The following SDCCAG8 variants were observed in gnomAD, a reference collection of about 807,000 sequenced individuals.
SDCCAG8 encodes SHH signaling and ciliogenesis regulator SDCCAG8, also known as serologically defined colon cancer antigen 8.
In SDCCAG8, 74 loss-of-function variants were observed where a neutral mutation model predicts 101.8. That is an observed-to-expected ratio of 0.73 (90% CI 0.60 to 0.88). The LOEUF (loss-of-function observed/expected upper bound fraction) is 0.88. Ranked by LOEUF, SDCCAG8 falls within the 40% of genes least tolerant of loss-of-function variation. The probability of loss-of-function intolerance (pLI) is 0.00; values close to 1 mark genes in which losing one functional copy is unlikely to be tolerated. For synonymous variants in SDCCAG8, 281 were observed against 292.9 expected (o/e 0.96, Z 0.41); for missense variants, 787 against 822.6 (o/e 0.96, Z 0.53).
chr1:243,488,429 G>GTAGATCTCGGTGGT, intron 16 of SDCCAG8: 1 of 162,274 alleles, frequency 6.2e-6, no homozygotes, highest in Non-Finnish European at 1.4e-5. Flanking sequence ...GGGTGACTGT[G>GTAGATCTCGGTGGT]CTGCTGGCTG....
At chr1:243,303,294 C>A (rs1490754928) in intron 6 of SDCCAG8, among the ~76,000 whole-genome samples, 1 of 152,174 alleles carries the variant, frequency 6.6e-6, no homozygotes, top group Non-Finnish European at 1.5e-5. Context: ...GACGTGGACC[C>A]TTCTATAATA....
chr1:243,357,175 C>T (rs1023285752), intron 12 of SDCCAG8, among the ~76,000 whole-genome samples: 9 of 152,036 alleles, frequency 5.9e-5, no homozygotes, highest in East Asian at 1.9e-4. Context: ...ATCTGGAGAT[C>T]GAGACCATCC....
chr1:243,386,220 T>G (rs7531548), intron 13 of SDCCAG8, among the ~76,000 whole-genome samples: 30,960 of 152,094 alleles, frequency 0.2, 5,067 homozygotes, highest in African/African-American at 0.46. Context: ...GAAAGGAGTC[T>G]TCTAAGGTTA....
chr1:243,414,787 A>G (rs1265805290), intron 13 of SDCCAG8, among the ~76,000 whole-genome samples: 1 of 152,106 alleles, frequency 6.6e-6, no homozygotes, highest in African/African-American at 2.4e-5. Context: ...AAGTCAGTTA[A>G]TTGAAGGAAA....
At position 243,378,841 on chromosome 1, in the gene SDCCAG8, G is replaced by A. The variant is rs753709808; in HGVS notation, c.1594G>A (p.Glu532Lys). Residue 532 changes from glutamate (E) to lysine (K), a missense_variant, in exon 13 of 18, where the codon GAG becomes AAG. Transcript: ENST00000366541. ...LRLTELLGES[E>K]HQLHLTRQEK... ...ACTAACAGAACTGCTGGGCGAATCTGAGCACCAACTGCACCTCACCAGGTA... is the reference window on the plus strand; with the variant it reads ...ACTAACAGAACTGCTGGGCGAATCTAAGCACCAACTGCACCTCACCAGGTA... 45 of 1,613,970 alleles carry A rather than the reference G, an allele frequency of 2.8e-5. No individual in the cohort carries two copies. The South Asian group carries it at 4.6e-4, about 17-fold the overall frequency.
chr1:243,353,380 A>G (rs1226097907), intron 12 of SDCCAG8, among the ~76,000 whole-genome samples: 1 of 150,318 alleles, frequency 6.7e-6, no homozygotes, highest in African/African-American at 2.5e-5. Flanking sequence ...AATCCCAGCT[A>G]CTCGGGAGAC....
intron 13 of SDCCAG8, among the ~76,000 whole-genome samples, chr1:243,386,475 G>T (rs1454995544): frequency 6.6e-6 from 1 of 152,130 alleles, no homozygotes; most frequent in African/African-American, 2.4e-5. Flanking sequence ...GCTAAGGCAG[G>T]CAGATCGCGA....
At chr1:243,257,799 A>T (rs1422503414) in intron 1 of SDCCAG8, among the ~76,000 whole-genome samples, 1 of 152,220 alleles carries the variant, frequency 6.6e-6, no homozygotes, top group Non-Finnish European at 1.5e-5. Context: ...AGCACTTCTA[A>T]CTTTTCATTT....
Position 243,322,779 on chromosome 1 carries a change from CT to C in SDCCAG8, c.1068+5900del, listed in dbSNP as rs200221920. Among the ~76,000 whole-genome samples the C allele has an allele frequency of 3.2e-3, 454 of 144,106 alleles. 1 individual carries two copies. The highest frequency in any genetic ancestry group is 0.014 in the Middle Eastern group (4 of 276). The allele number at this position is 144,106 out of a possible 152,430, so 94.5% of individuals were successfully genotyped here. ...CCAGTGAAAATTAGGCCCAATCACA[CT>C]TTTTTTTTTTTTTAATAGCTAGTTC... On this transcript the variant is annotated intron_variant, in intron 9 of 17. Transcript: ENST00000366541.
intron 12 of SDCCAG8, among the ~76,000 whole-genome samples, chr1:243,349,018 A>C (rs904736318): frequency 1.3e-5 from 2 of 151,982 alleles, no homozygotes; most frequent in African/African-American, 4.8e-5. Context: ...AACAAAAAAA[A>C]AAAAACACAA....
chr1:243,466,515 TA>T (rs1236652936), intron 16 of SDCCAG8, among the ~76,000 whole-genome samples: 1 of 152,166 alleles, frequency 6.6e-6, no homozygotes, highest in Non-Finnish European at 1.5e-5. Flanking sequence ...AACATGGGAG[TA>T]AACTTCTTCA....
chr1:243,450,096 T>A (rs2083241546), intron 16 of SDCCAG8, among the ~76,000 whole-genome samples: 1 of 152,112 alleles, frequency 6.6e-6, no homozygotes, highest in Non-Finnish European at 1.5e-5. Flanking sequence ...ATGGTAGACG[T>A]CTCTGTTTTC....
chr1:243,422,091 A>G (rs1409806885), intron 15 of SDCCAG8, among the ~76,000 whole-genome samples: 1 of 152,196 alleles, frequency 6.6e-6, no homozygotes, highest in Non-Finnish European at 1.5e-5. Flanking sequence ...CCTCTTGCAC[A>G]CTGAAAAGAA....
intron 17 of SDCCAG8, among the ~76,000 whole-genome samples, chr1:243,496,347 C>T (rs1667882025): frequency 2.0e-5 from 3 of 152,122 alleles, no homozygotes; most frequent in South Asian, 2.1e-4. Context: ...AGGCGGGAGG[C>T]GAGCCACCAA....
chr1:243,435,000 C>T (rs2082042128), intron 16 of SDCCAG8, among the ~76,000 whole-genome samples: 2 of 152,270 alleles, frequency 1.3e-5, no homozygotes, highest in African/African-American at 4.8e-5. Context: ...AGGCCCACTA[C>T]CCAGGAAAAA....
chr1:243,308,182 G>C lies in SDCCAG8; in HGVS notation c.929+5G>C. On this transcript the variant is annotated splice_donor_5th_base_variant and intron_variant, in intron 8 of 17. Transcript: ENST00000366541. ...GACCATCGAAAGACTGGTTAAGTAA[G>C]TATGCTTCTACGCGCACGGAGACTT... 4 of 1,614,090 alleles carry C rather than the reference G, an allele frequency of 2.5e-6. No individual in the cohort carries two copies. The highest frequency in any genetic ancestry group is 3.4e-6 in the Non-Finnish European group (4 of 1,179,994).
At chr1:243,465,901 A>C (rs960386646) in intron 16 of SDCCAG8, among the ~76,000 whole-genome samples, 2 of 152,146 alleles carry the variant, frequency 1.3e-5, no homozygotes, top group Non-Finnish European at 2.9e-5. Flanking sequence ...CTGGTGTACC[A>C]CAGGCAGATG....
rs1305769201 is a variant in SDCCAG8, at chr1:243,293,120, A to G, written c.576A>G (p.Thr192=). The change falls in exon 6 of 18, where the codon ACA becomes ACG. Residue 192 remains threonine (T), a synonymous_variant. Coordinates refer to ENST00000366541, the MANE Select transcript of SDCCAG8 (RefSeq NM_006642.5). The part of the protein sequence containing the change: ...SGNMHNSWIT[T]GEDSGVGETS... ...ACATGCACAATTCTTGGATTACAAC[A>G]GGTGAAGATTCTGGGGTGGGCGAAA... 6.2e-7 allele frequency: 1 copy of G among 1,614,182 alleles called. No individual in the cohort carries two copies. The highest frequency in any genetic ancestry group is 2.2e-5 in the East Asian group (1 of 44,882).
intron 1 of SDCCAG8, among the ~76,000 whole-genome samples, chr1:243,262,699 A>G (rs1271102623): frequency 6.6e-6 from 1 of 152,194 alleles, no homozygotes; most frequent in African/African-American, 2.4e-5. Flanking sequence ...GAGAGTAATA[A>G]TATTCTCTCC....
Sources: gnomAD v4.1 joint callset for allele counts (sites outside exome capture counted in the v4.1 genomes callset) on GRCh38, gnomAD v4.1.1 for gene constraint, MANE v1.5 for transcripts, NCBI Gene and HGNC (gene_info 2026-07-23, HGNC 2026-07-21) for gene names.